Variants in SLIT3 observed in about 807,000 individuals in gnomAD.
SLIT3 encodes the protein slit homolog 3 protein.
SLIT3 carries 68 observed loss-of-function variants against 184.0 expected under a neutral mutation model. That is an observed-to-expected ratio of 0.37 (90% CI 0.30 to 0.45). The LOEUF (loss-of-function observed/expected upper bound fraction) is 0.45. Among genes scored for constraint, SLIT3 ranks in the 20% least tolerant of loss-of-function variants. The pLI is 1.00. For synonymous variants in SLIT3, 831 were observed against 828.6 expected (o/e 1.00, Z -0.05); for missense variants, 1,707 against 2,026.0 (o/e 0.84, Z 3.02).
intron 4 of SLIT3, among the ~76,000 whole-genome samples, chr5:169,146,347 G>A (rs1238286231): frequency 8.5e-5 from 13 of 152,196 alleles, no homozygotes; most frequent in Admixed American, 8.5e-4. Flanking sequence ...GCAGTGTTTG[G>A]CCCATGTTCC....
chr5:168,988,732 C>T (rs542537171), intron 4 of SLIT3, among the ~76,000 whole-genome samples: 5 of 152,278 alleles, frequency 3.3e-5, no homozygotes, highest in South Asian at 2.1e-4. Context: ...AAAATCTTCA[C>T]GGATCTCACT....
In SLIT3 at chr5:169,128,269, T is replaced by C. The variant is rs192166669; in HGVS notation, c.413+65210A>G. 7.6e-4 allele frequency among the ~76,000 whole-genome samples: 112 copies of C among 147,902 alleles called. 1 individual carries two copies. The Middle Eastern group carries it at 0.021, about 28-fold the overall frequency. ...ACACATTTATATATATATACATATA[T>C]ATATTTATATATATATATATAATTT... On this transcript the variant is annotated intron_variant, in intron 4 of 35. Transcript: ENST00000519560.
At chr5:168,892,518 T>C (rs1352057804) in intron 4 of SLIT3, among the ~76,000 whole-genome samples, 1 of 152,186 alleles carries the variant, frequency 6.6e-6, no homozygotes, top group East Asian at 1.9e-4. Flanking sequence ...AGTATACAGA[T>C]AGGAAATGTG....
chr5:169,155,634 G>A (rs1762276926), intron 4 of SLIT3, among the ~76,000 whole-genome samples: 1 of 152,200 alleles, frequency 6.6e-6, no homozygotes. Flanking sequence ...GGGGGACTTG[G>A]CTCTTTGGAG....
intron 4 of SLIT3, among the ~76,000 whole-genome samples, chr5:169,186,139 G>A (rs1464161234): frequency 6.6e-6 from 1 of 152,114 alleles, no homozygotes; most frequent in East Asian, 1.9e-4. Context: ...TGCTTATGTT[G>A]AAACCCTAAT....
chr5:169,186,340 G>A (rs972423272), intron 4 of SLIT3, among the ~76,000 whole-genome samples: 1 of 152,144 alleles, frequency 6.6e-6, no homozygotes, highest in African/African-American at 2.4e-5. Context: ...GTGGCTATCT[G>A]CAAGCCAAGG....
intron 4 of SLIT3, among the ~76,000 whole-genome samples, chr5:169,153,746 G>A (rs1477198530): frequency 6.6e-6 from 1 of 152,214 alleles, no homozygotes; most frequent in Admixed American, 6.5e-5. Flanking sequence ...CATGAATGTT[G>A]CTTTGACTCT....
In SLIT3 at chr5:168,763,568, C is replaced by T. The variant is rs542123914; in HGVS notation, c.1460-879G>A. Reference sequence around the variant, plus strand: ...AGCTGAGATTTGCTTTTTTGAAAAGCAAATCTCCCGAAGTTGCACAGTAAT... The same window carrying T: ...AGCTGAGATTTGCTTTTTTGAAAAGTAAATCTCCCGAAGTTGCACAGTAAT... On this transcript the variant is annotated intron_variant, in intron 14 of 35. Transcript: ENST00000519560. 2.6e-5 allele frequency among the ~76,000 whole-genome samples: 4 copies of T among 152,148 alleles called. No homozygotes were observed. In the East Asian group the frequency reaches 7.7e-4, roughly 29 times the overall value.
intron 28 of SLIT3, among the ~76,000 whole-genome samples, chr5:168,694,141 C>T (rs985836685): frequency 2.0e-5 from 3 of 152,280 alleles, no homozygotes; most frequent in South Asian, 2.1e-4. Context: ...CCCTGGTCAA[C>T]GGCAGACACC....
At chr5:169,206,826 C>A (rs1201025433) in intron 3 of SLIT3, among the ~76,000 whole-genome samples, 1 of 152,124 alleles carries the variant, frequency 6.6e-6, no homozygotes, top group Non-Finnish European at 1.5e-5. Context: ...TATCTGTGAC[C>A]AATTCTCATC....
intron 6 of SLIT3, among the ~76,000 whole-genome samples, chr5:168,827,252 C>T: frequency 6.6e-6 from 1 of 152,134 alleles, no homozygotes; most frequent in East Asian, 1.9e-4. Flanking sequence ...TGGCTCAAGG[C>T]ACCACACATT....
intron 7 of SLIT3, among the ~76,000 whole-genome samples, chr5:168,821,366 A>G (rs1327826053): frequency 6.6e-6 from 1 of 152,238 alleles, no homozygotes; most frequent in Non-Finnish European, 1.5e-5. Flanking sequence ...TGATTCCTGC[A>G]GGTGAGAGTC....
Position 168,970,037 on chromosome 5 carries a change from C to T in SLIT3, c.414-86701G>A, listed in dbSNP as rs533265937. Among the ~76,000 whole-genome samples the T allele has an allele frequency of 4.6e-5, 7 of 152,020 alleles. No homozygotes were observed. In the South Asian group the frequency reaches 8.3e-4, roughly 18 times the overall value. On this transcript the variant is annotated intron_variant, in intron 4 of 35. Coordinates refer to ENST00000519560, the MANE Select transcript of SLIT3 (RefSeq NM_003062.4). ...TCTACTGAAAATACAAAAAATTAGC[C>T]GGGTGTGGTGGCAGGCGCCTGTAGT...
chr5:169,252,778 G>A (rs929170777), intron 1 of SLIT3, among the ~76,000 whole-genome samples: 16 of 152,018 alleles, frequency 1.1e-4, no homozygotes, highest in African/African-American at 3.9e-4. Flanking sequence ...TCCTAAAGAT[G>A]CCACCCTGCA....
intron 6 of SLIT3, among the ~76,000 whole-genome samples, chr5:168,840,635 A>G (rs996885928): frequency 1.3e-5 from 2 of 152,184 alleles, no homozygotes; most frequent in African/African-American, 2.4e-5. Context: ...TATAAGCACG[A>G]CTTACTTGGA....
chr5:168,665,374 T>G lies in SLIT3; in HGVS notation c.*1080A>C, dbSNP rs1167781151. 1.3e-5 allele frequency: 2 copies of G among 152,106 alleles called. No homozygotes were observed. The highest frequency in any genetic ancestry group is 2.9e-5 in the Non-Finnish European group (2 of 68,044). The allele number at this position is 152,106 out of a possible 1,614,324, so 9.4% of individuals were successfully genotyped here. A position where few individuals can be genotyped will look rare whatever the true frequency, so the allele number is the denominator to read the frequency against. On this transcript the variant is annotated 3_prime_UTR_variant, in exon 36 of 36. Coordinates refer to ENST00000519560, the MANE Select transcript of SLIT3 (RefSeq NM_003062.4). ...AAGAGCCTCCAAGAACCTTCCAGAG[T>G]TGGACATCTAGCGCTGTGGGCAGAC...
At chr5:168,877,655 C>T (rs530033955) in intron 5 of SLIT3, among the ~76,000 whole-genome samples, 14 of 152,250 alleles carry the variant, frequency 9.2e-5, no homozygotes, top group African/African-American at 2.6e-4. Context: ...CAGACACGGG[C>T]GGTGCGGCAA....
chr5:168,966,333 A>T (rs1028343137), intron 4 of SLIT3, among the ~76,000 whole-genome samples: 1 of 144,538 alleles, frequency 6.9e-6, no homozygotes, highest in African/African-American at 2.5e-5. Flanking sequence ...GGTTCGCTGG[A>T]TTTTTTTTTT....
In SLIT3 at chr5:168,760,795, T is replaced by C. The variant is rs1324071154; in HGVS notation, c.1685+67A>G. ...GGGGAGAGGCCGGTCCCCTGGTTCC[T>C]CTAGTCTAGAACACAGGCTCTGGCT... On this transcript the variant is annotated intron_variant, in intron 16 of 35. Coordinates refer to ENST00000519560, the MANE Select transcript of SLIT3 (RefSeq NM_003062.4). 14 of 1,206,332 alleles carry C rather than the reference T, an allele frequency of 1.2e-5. No individual in the cohort carries two copies. The Admixed American group carries it at 2.4e-4, about 20-fold the overall frequency. The allele number at this position is 1,206,332 out of a possible 1,614,324, so 74.7% of individuals were successfully genotyped here. A position where few individuals can be genotyped will look rare whatever the true frequency, so the allele number is the denominator to read the frequency against.
Sources: allele counts gnomAD v4.1 joint callset (sites outside exome capture counted in the v4.1 genomes callset), GRCh38; gene constraint gnomAD v4.1.1; transcripts MANE v1.5; gene names NCBI Gene and HGNC (gene_info 2026-07-23, HGNC 2026-07-21).